ZNF600: variants seen among roughly 807,000 people sequenced by gnomAD.
The protein encoded by ZNF600 is zinc finger protein KR-ZNF1.
ZNF600 carries 4 observed loss-of-function variants against 7.3 expected under a neutral mutation model. The ratio of observed to expected loss-of-function variants is 0.55; its 90% confidence interval spans 0.27 to 1.25. The LOEUF (loss-of-function observed/expected upper bound fraction) is 1.25, where lower values mean the gene tolerates loss of function less well. ZNF600 is among the 50% of genes most tolerant of loss of function. The pLI, the probability that ZNF600 is intolerant of heterozygous loss-of-function variation, is 0.12. For missense variants in ZNF600, 911 were observed against 922.1 expected (o/e 0.99, Z 0.16); for synonymous variants, 290 against 308.9 (o/e 0.94, Z 0.64).
chr19:52,821,830 G>A, the ZNF600 span, among the ~76,000 whole-genome samples: 6 of 151,996 alleles, frequency 3.9e-5, no homozygotes, highest in African/African-American at 1.4e-4. Flanking sequence ...TTGAACCCGG[G>A]AGATACAGCT....
chr19:52,788,605 T>C (rs2062783724), upstream of ZNF600, among the ~76,000 whole-genome samples: 1 of 152,082 alleles, frequency 6.6e-6, no homozygotes, highest in African/African-American at 2.4e-5. Context: ...TTGACCTGTT[T>C]TGAGGTCTTG....
intron 3 of ZNF600, among the ~76,000 whole-genome samples, chr19:52,771,635 A>G (rs2062631104): frequency 1.3e-5 from 2 of 152,084 alleles, no homozygotes; most frequent in African/African-American, 2.4e-5. Context: ...ATACCAACAC[A>G]CCCAGCTAAT....
chr19:52,787,011 A>G (rs534919322), upstream of ZNF600, among the ~76,000 whole-genome samples: 33 of 152,386 alleles, frequency 2.2e-4, 1 homozygote, highest in African/African-American at 2.6e-4. Context: ...CTGGAACGGG[A>G]ATGCAAACTA....
intron 1 of ZNF600, among the ~76,000 whole-genome samples, chr19:52,783,363 T>G (rs921032767): frequency 2.6e-5 from 4 of 152,146 alleles, no homozygotes; most frequent in Non-Finnish European, 5.9e-5. Flanking sequence ...TCATTCCTTT[T>G]TTTGTTTGTT....
At chr19:52,796,505 G>A in the ZNF600 span, among the ~76,000 whole-genome samples, 3 of 151,534 alleles carry the variant, frequency 2.0e-5, no homozygotes, top group Admixed American at 6.6e-5. Context: ...AGTCACTTAC[G>A]TCTTAGACTG....
intron 1 of ZNF600, among the ~76,000 whole-genome samples, chr19:52,784,440 T>C (rs895270894): frequency 2.6e-5 from 4 of 152,196 alleles, no homozygotes; most frequent in Non-Finnish European, 4.4e-5. Flanking sequence ...AAAAGTATTA[T>C]GTAATAAGAG....
At chr19:52,816,210 C>A in the ZNF600 span, among the ~76,000 whole-genome samples, 1 of 119,048 alleles carries the variant, frequency 8.4e-6, no homozygotes, top group East Asian at 2.1e-4. Flanking sequence ...TTACATATAA[C>A]CATTTATATT....
the ZNF600 span, chr19:52,810,563 C>T: frequency 5.3e-5 from 85 of 1,593,228 alleles, no homozygotes; most frequent in Non-Finnish European, 6.4e-5. Flanking sequence ...CACAACAGAC[C>T]GGGGTCTTCC....
At position 52,771,542 on chromosome 19, in the gene ZNF600, T is replaced by C. The variant is rs149443137; in HGVS notation, c.190+3033A>G. On this transcript the variant is annotated intron_variant, in intron 3 of 3. Transcript: ENST00000648973. Reference sequence around the variant, plus strand: ...GGGCTGGAGTGCAGTGGCGCAATCATGGCTCACTGCAACATCCATCTCCCA... The same window carrying C: ...GGGCTGGAGTGCAGTGGCGCAATCACGGCTCACTGCAACATCCATCTCCCA... Among the ~76,000 whole-genome samples the C allele has an allele frequency of 3.1e-3, 475 of 152,138 alleles. 2 individuals are homozygous for C. The highest frequency in any genetic ancestry group is 0.011 in the African/African-American group (463 of 41,504).
chr19:52,786,883 A>C (rs541271709), upstream of ZNF600: 22 of 194,880 alleles, frequency 1.1e-4, no homozygotes, highest in South Asian at 9.8e-4. Context: ...CGGCAGAGGG[A>C]GGGCCCGGGG....
the ZNF600 span, chr19:52,808,097 A>G: frequency 6.2e-7 from 1 of 1,613,342 alleles, no homozygotes; most frequent in African/African-American, 1.3e-5. Flanking sequence ...TCCTCCTGAG[A>G]GAATTCTATG....
At chr19:52,796,924 C>CA in the ZNF600 span, among the ~76,000 whole-genome samples, 11 of 152,200 alleles carry the variant, frequency 7.2e-5, no homozygotes, top group African/African-American at 1.9e-4. Flanking sequence ...TATTTTGGTG[C>CA]AAAAAATGTG....
At chr19:52,798,811 T>C in the ZNF600 span, 1 of 840,612 alleles carries the variant, frequency 1.2e-6, no homozygotes, top group Non-Finnish European at 1.9e-6. Context: ...TTGCAATGGT[T>C]GTAGCATTAC....
At chr19:52,777,073 CCCA>C (rs2062681684) in intron 2 of ZNF600, among the ~76,000 whole-genome samples, 1 of 152,112 alleles carries the variant, frequency 6.6e-6, no homozygotes, top group Non-Finnish European at 1.5e-5. Flanking sequence ...TCCACTCCAT[CCCA>C]AGTCATTAAA....
At chr19:52,810,597 C>A in the ZNF600 span, 226 of 1,544,790 alleles carry the variant, frequency 1.5e-4, no homozygotes, top group Non-Finnish European at 8.0e-6. Context: ...CGCGCCCGAC[C>A]ACCAACTACA....
At chr19:52,793,127 AATGT>A in the ZNF600 span, among the ~76,000 whole-genome samples, 134 of 152,222 alleles carry the variant, frequency 8.8e-4, no homozygotes, top group African/African-American at 2.7e-3. Flanking sequence ...AGTTGACTGT[AATGT>A]ACGCCTTGAT....
At chr19:52,783,379 TGA>T (rs1193569777) in intron 1 of ZNF600, among the ~76,000 whole-genome samples, 1 of 152,236 alleles carries the variant, frequency 6.6e-6, no homozygotes, top group East Asian at 1.9e-4. Context: ...TTGTTTGTTT[TGA>T]GACCGAGTCT....
the ZNF600 span, chr19:52,808,142 G>A: frequency 0.89 from 1,441,961 of 1,611,984 alleles, 646,636 homozygotes; most frequent in East Asian, 0.93. Flanking sequence ...CCCTGAAATG[G>A]AAACACATTT....
chr19:52,817,516 A>C, the ZNF600 span, among the ~76,000 whole-genome samples: 1 of 152,128 alleles, frequency 6.6e-6, no homozygotes, highest in African/African-American at 2.4e-5. Context: ...TCAGGGAGAA[A>C]AGATTTTCCC....
Sources: gnomAD v4.1 joint callset for allele counts (sites outside exome capture counted in the v4.1 genomes callset) on GRCh38, gnomAD v4.1.1 for gene constraint, MANE v1.5 for transcripts, NCBI Gene and HGNC (gene_info 2026-07-23, HGNC 2026-07-21) for gene names.